Variants in FRMD1 observed in about 807,000 individuals in gnomAD.
FRMD1 encodes the protein FERM domain containing 1.
Under a neutral mutation model 54.9 loss-of-function variants are expected in FRMD1, and 51 were observed. That is an observed-to-expected ratio of 0.93 (90% CI 0.74 to 1.17). FRMD1 has a LOEUF of 1.17. Among genes scored for constraint, FRMD1 ranks in the 50% most tolerant of loss-of-function variants. The probability of loss-of-function intolerance (pLI) is 0.00; values close to 1 mark genes in which losing one functional copy is unlikely to be tolerated. For missense variants in FRMD1, 729 were observed against 743.0 expected (o/e 0.98, Z 0.22); for synonymous variants, 324 against 306.4 (o/e 1.06, Z -0.60).
intron 7 of FRMD1, 152 bp from the exon 8 acceptor site, chr6:168,062,133 G>T: frequency 1.2e-6 from 1 of 809,066 alleles, no homozygotes; most frequent in South Asian, 1.8e-5. Flanking sequence ...GACACTGTGC[G>T]CGGACACTGT....
chr6:168,067,225 C>A (rs1342182803), intron 3 of FRMD1, 142 bp downstream of exon 3: 1 of 663,912 alleles, frequency 1.5e-6, no homozygotes, highest in South Asian at 1.6e-5. Context: ...CACCGTGGTG[C>A]CCTGCTCTCT....
intron 3 of FRMD1, 104 bp downstream of exon 3, chr6:168,067,263 C>A: frequency 1.3e-6 from 1 of 774,028 alleles, no homozygotes; most frequent in East Asian, 2.5e-5. Context: ...CGCGGTCCCC[C>A]ACAGCCCACC....
intron 1 of FRMD1, among the ~76,000 whole-genome samples, chr6:168,076,916 C>T (rs751912161): frequency 8.6e-5 from 13 of 151,666 alleles, no homozygotes; most frequent in Non-Finnish European, 1.6e-4. Context: ...AGAGCGTTCC[C>T]TGTCTAACTA....
At chr6:168,081,355 T>C (rs1156547120), upstream of FRMD1, 4 of 1,529,570 alleles carry the variant, frequency 2.6e-6, no homozygotes, top group Non-Finnish European at 2.6e-6. Flanking sequence ...CTGAATGTCT[T>C]GTCTTCTCGA....
At chr6:168,062,734 C>T in intron 7 of FRMD1, 160 bp downstream of exon 7, 1 of 1,561,528 alleles carries the variant, frequency 6.4e-7, no homozygotes, top group Non-Finnish European at 8.7e-7. Flanking sequence ...GAGCACGGTC[C>T]ACCTCCTGCG....
Position 168,055,881 on chromosome 6 carries a change from C to T in FRMD1, c.*1216G>A, listed in dbSNP as rs769216437. On this transcript the variant is annotated 3_prime_UTR_variant, in exon 11 of 11. Coordinates refer to ENST00000283309, the MANE Select transcript of FRMD1 (RefSeq NM_024919.6). ...CTTTCACAGAAAGGAGAGGGTCCCCCTGGATGGACCCGTCAAAGAGGCGGC... is the reference window on the plus strand; with the variant it reads ...CTTTCACAGAAAGGAGAGGGTCCCCTTGGATGGACCCGTCAAAGAGGCGGC... 1 of 152,266 alleles carries T rather than the reference C, an allele frequency of 6.6e-6. No individual in the cohort carries two copies. The highest frequency in any genetic ancestry group is 1.5e-5 in the Non-Finnish European group (1 of 68,070). The allele number at this position is 152,266 out of a possible 1,614,324, so 9.4% of individuals were successfully genotyped here. A position where few individuals can be genotyped will look rare whatever the true frequency, so the allele number is the denominator to read the frequency against.
At chr6:168,057,497 G>T in intron 10 of FRMD1, 158 bp from the exon 11 acceptor site, 1 of 1,003,178 alleles carries the variant, frequency 1.0e-6, no homozygotes, top group Non-Finnish European at 1.4e-6. Flanking sequence ...GGGTCCCCCA[G>T]CACACACCTC....
At chr6:168,081,004 A>G (rs1312488561), upstream of FRMD1, among the ~76,000 whole-genome samples, 1 of 152,192 alleles carries the variant, frequency 6.6e-6, no homozygotes, top group Non-Finnish European at 1.5e-5. Flanking sequence ...GATAAACACA[A>G]TAAATGGATT....
intron 1 of FRMD1, among the ~76,000 whole-genome samples, chr6:168,088,303 C>T (rs12196753): frequency 0.3 from 46,117 of 151,814 alleles, 7,362 homozygotes; most frequent in African/African-American, 0.4. Context: ...CCTGGGTGCT[C>T]GGGTTCAGTG....
intron 7 of FRMD1, chr6:168,062,646 G>C (rs982648683): frequency 6.5e-6 from 10 of 1,548,440 alleles, no homozygotes; most frequent in African/African-American, 1.4e-5. Context: ...GCTTTCCAGG[G>C]CACGGGGACC....
rs780460065 is a variant in FRMD1, at chr6:168,056,565, G to C, written c.*532C>G. 1 of 152,594 alleles carries C rather than the reference G, an allele frequency of 6.6e-6. No individual in the cohort carries two copies. Among genetic ancestry groups the C allele is most frequent in the Non-Finnish European group, 1.5e-5 (1 of 68,226 alleles). The allele number at this position is 152,594 out of a possible 1,614,324, so 9.5% of individuals were successfully genotyped here. Reference sequence around the variant, plus strand: ...CACAAGAGGGGCCTCTGTCTGGCAGGCCCAGCGCTTGCAAACAGGAGTTGC... The same window carrying C: ...CACAAGAGGGGCCTCTGTCTGGCAGCCCCAGCGCTTGCAAACAGGAGTTGC... On this transcript the variant is annotated 3_prime_UTR_variant, in exon 11 of 11. Transcript: ENST00000283309.
At position 168,053,182 on chromosome 6, in the gene FRMD1, G is replaced by C. The variant is rs545530057; in HGVS notation, c.*3915C>G. ...CCCCACTGCGTGTTCACCTCTTCAC[G>C]CGCCTTTGTAGAATACCAGCTTTCT... On this transcript the variant is annotated 3_prime_UTR_variant, in exon 11 of 11. Coordinates refer to ENST00000283309, the MANE Select transcript of FRMD1 (RefSeq NM_024919.6). 5.6e-5 allele frequency: 4 copies of C among 71,506 alleles called. No homozygotes were observed. The highest frequency in any genetic ancestry group is 4.0e-4 in the Admixed American group (3 of 7,486). The allele number at this position is 71,506 out of a possible 1,614,324, so 4.4% of individuals were successfully genotyped here.
upstream of FRMD1, among the ~76,000 whole-genome samples, chr6:168,085,009 G>A (rs548825063): frequency 3.3e-5 from 5 of 152,220 alleles, no homozygotes; most frequent in Admixed American, 1.3e-4. Context: ...ACTCCCTCCC[G>A]TGTTCCTGGT....
In FRMD1 at chr6:168,059,160, G is replaced by C; in HGVS notation, c.1371C>G (p.Val457=). The change falls in exon 10 of 11, where the codon GTC becomes GTG. Residue 457 remains valine (V), a synonymous_variant. Coordinates refer to ENST00000283309, the MANE Select transcript of FRMD1 (RefSeq NM_024919.6). This position sits in a 1 kb window ranked among gnomAD's most constrained non-coding sequence, Gnocchi z 4.4. The part of the protein sequence containing the change: ...QATRQEPCTQ[V]RTRGQSAEAV... ...CCTCGGCGCTCTGGCCTCTGGTCCT[G>C]ACCTGGGTGCAGGGCTCCTGACGAG... 6.3e-7 allele frequency: 1 copy of C among 1,587,738 alleles called. No individual in the cohort carries two copies. Among genetic ancestry groups the C allele is most frequent in the Non-Finnish European group, 8.5e-7 (1 of 1,170,576 alleles).
At chr6:168,077,859 C>A (rs1800666635) in intron 1 of FRMD1, among the ~76,000 whole-genome samples, 1 of 152,242 alleles carries the variant, frequency 6.6e-6, no homozygotes, top group African/African-American at 2.4e-5. Flanking sequence ...CTGGGGACCC[C>A]AGGAAACTAC....
At chr6:168,079,628 G>C (rs184816171), upstream of FRMD1, among the ~76,000 whole-genome samples, 1 of 152,186 alleles carries the variant, frequency 6.6e-6, no homozygotes, top group Non-Finnish European at 1.5e-5. Flanking sequence ...ATCTGTTATC[G>C]ACCTCAGGAA....
At chr6:168,070,860 G>C (rs1800272546) in intron 2 of FRMD1, among the ~76,000 whole-genome samples, 1 of 152,222 alleles carries the variant, frequency 6.6e-6, no homozygotes, top group African/African-American at 2.4e-5. Flanking sequence ...CTGCTGGAAG[G>C]GGAGATTCTG....
chr6:168,082,353 C>T (rs1000817767), upstream of FRMD1, among the ~76,000 whole-genome samples: 1 of 152,190 alleles, frequency 6.6e-6, no homozygotes, highest in Non-Finnish European at 1.5e-5. Context: ...AGCCTCCACC[C>T]CCACCATCGA....
At chr6:168,084,911 G>A (rs867122931), upstream of FRMD1, among the ~76,000 whole-genome samples, 25 of 152,274 alleles carry the variant, frequency 1.6e-4, no homozygotes, top group African/African-American at 5.1e-4. Flanking sequence ...CAGGGGGCTG[G>A]CAGCAGAAAA....
Sources: gnomAD v4.1 joint callset for allele counts (sites outside exome capture counted in the v4.1 genomes callset) on GRCh38, gnomAD v4.1.1 for gene constraint, Gnocchi (gnomAD v3.1) non-coding constraint, MANE v1.5 for transcripts, NCBI Gene and HGNC (gene_info 2026-07-23, HGNC 2026-07-21) for gene names.